TUT7: variants seen among roughly 807,000 people sequenced by gnomAD.
TUT7 encodes the protein terminal uridylyltransferase 7.
In TUT7, 33 loss-of-function variants were observed where a neutral mutation model predicts 165.9. The observed-to-expected ratio is 0.20, with a 90% CI of 0.15 to 0.27. The LOEUF (loss-of-function observed/expected upper bound fraction) is 0.27. Among genes scored for constraint, TUT7 ranks in the 10% least tolerant of loss-of-function variants. The pLI is 1.00. For synonymous variants in TUT7, 552 were observed against 608.1 expected (o/e 0.91, Z 1.36); for missense variants, 1,338 against 1,762.3 (o/e 0.76, Z 4.31).
Position 86,345,067 on chromosome 9 carries a change from C to A in TUT7, c.907G>T (p.Val303Leu), listed in dbSNP as rs1302433956. The change falls in exon 5 of 27, where the codon GTA (valine) becomes TTA (leucine). Residue 303 changes from valine (V) to leucine (L), a missense_variant. Coordinates refer to ENST00000375963, the MANE Select transcript of TUT7 (RefSeq NM_024617.4). ...TCATTGTGTAAGCCAAATTCCTGTA[C>A]CACTTTGTCAATGGCAATGCCAACT... ...NAVGIAIDKV[V>L]QEFGLHNENL... 6.2e-7 allele frequency: 1 copy of A among 1,613,694 alleles called. No homozygotes were observed. Among genetic ancestry groups the A allele is most frequent in the African/African-American group, 1.3e-5 (1 of 74,906 alleles).
At position 86,319,622 on chromosome 9, in the gene TUT7, C is replaced by T; in HGVS notation, c.3077G>A (p.Arg1026Gln). Reference protein sequence around the residue: ...IIEDQAREHIRQNLESFIRQD... With the variant: ...IIEDQAREHIQQNLESFIRQD... ...TCTTATGAAACTTTCTAGGTTTTGCCGAATATGTTCACGAGCCTGATCTTC... is the reference window on the plus strand; with the variant it reads ...TCTTATGAAACTTTCTAGGTTTTGCTGAATATGTTCACGAGCCTGATCTTC... The change falls in exon 15 of 27, where the codon CGG becomes CAG. Residue 1026 changes from arginine to glutamine, a missense_variant. Arg to Gln is a conservative substitution (Grantham distance 43). Coordinates refer to ENST00000375963, the MANE Select transcript of TUT7 (RefSeq NM_024617.4). 1.2e-6 allele frequency: 2 copies of T among 1,608,200 alleles called. No homozygotes were observed. Among genetic ancestry groups the T allele is most frequent in the South Asian group, 1.1e-5 (1 of 89,274 alleles).
At chr9:86,325,628 T>C (rs1004049044) in intron 11 of TUT7, 114 bp from the exon 12 acceptor site, 10 of 920,022 alleles carry the variant, frequency 1.1e-5, no homozygotes, top group Non-Finnish European at 1.5e-5. Flanking sequence ...AACAAAGATA[T>C]AAGCCTGACA....
At chr9:86,304,042 T>G (rs2049797146) in intron 24 of TUT7, among the ~76,000 whole-genome samples, 1 of 152,140 alleles carries the variant, frequency 6.6e-6, no homozygotes, top group African/African-American at 2.4e-5. Flanking sequence ...AGGAATAAGT[T>G]TTGAGATCTA....
At chr9:86,294,066 G>T (rs1420706606) in intron 26 of TUT7, among the ~76,000 whole-genome samples, 3 of 152,170 alleles carry the variant, frequency 2.0e-5, no homozygotes, top group Non-Finnish European at 1.5e-5. Context: ...TTTTAAGAGA[G>T]TCAATTTCTA....
At chr9:86,293,650 G>C (rs1826061375) in intron 26 of TUT7, among the ~76,000 whole-genome samples, 1 of 152,202 alleles carries the variant, frequency 6.6e-6, no homozygotes. Context: ...CTGTCAAAAT[G>C]TGCATACTTT....
At chr9:86,294,198 A>C (rs1826112597) in intron 26 of TUT7, among the ~76,000 whole-genome samples, 1 of 151,590 alleles carries the variant, frequency 6.6e-6, no homozygotes, top group Admixed American at 6.6e-5. Flanking sequence ...CCCCTTTCAC[A>C]ATTATTTATC....
At position 86,328,462 on chromosome 9, in the gene TUT7, T is replaced by A. The variant is rs750779168; in HGVS notation, c.1486A>T (p.Asn496Tyr). ...TTTTCAATGTCTTGAAGGTTGAAAT[T>A]CCCTAGTTTGCTTAATGAGAATCCT... is the stretch of plus-strand genomic sequence containing the variant. ...IEGFSLSKLG[N>Y]FNLQDIEKDV... The change falls in exon 11 of 27, where the codon AAT (asparagine) becomes TAT (tyrosine). Residue 496 changes from asparagine to tyrosine, a missense_variant. Asn to Tyr is a moderately radical substitution (Grantham distance 143). Coordinates refer to ENST00000375963, the MANE Select transcript of TUT7 (RefSeq NM_024617.4). 2.5e-5 allele frequency: 41 copies of A among 1,610,484 alleles called. No homozygotes were observed. Among genetic ancestry groups the A allele is most frequent in the Non-Finnish European group, 3.4e-5 (40 of 1,178,504 alleles).
rs574456852 is a variant in TUT7, at chr9:86,346,419, C to T, written c.582G>A (p.Glu194=). Residue 194 remains glutamate (E), a synonymous_variant, in exon 3 of 27, where the codon GAG becomes GAA. Transcript: ENST00000375963. ...KPRKTRNEEN[E]QDGDLEGPVI... ...CAGGGCCTTCCAAGTCTCCATCCTGCTCATTTTCCTCATTTCTAGTCTTCC... is the reference window on the plus strand; with the variant it reads ...CAGGGCCTTCCAAGTCTCCATCCTGTTCATTTTCCTCATTTCTAGTCTTCC... The T allele has an allele frequency of 4.3e-6, 7 of 1,614,090 alleles. No individual in the cohort carries two copies. The Admixed American group carries it at 5.0e-5, about 12-fold the overall frequency.
intron 17 of TUT7, among the ~76,000 whole-genome samples, chr9:86,313,063 C>A (rs1218598267): frequency 6.6e-6 from 1 of 151,888 alleles, no homozygotes; most frequent in African/African-American, 2.4e-5. Context: ...TATTATGCTG[C>A]TCCACTATTG....
rs927427486 is a variant in TUT7 at position 86,309,921 on chromosome 9, T to C, written c.3468+7A>G. 3 of 1,610,038 alleles carry C rather than the reference T, an allele frequency of 1.9e-6. No homozygotes were observed. Among genetic ancestry groups the C allele is most frequent in the Non-Finnish European group, 1.7e-6 (2 of 1,176,872 alleles). On this transcript the variant is annotated splice_region_variant and intron_variant, in intron 19 of 26. Transcript: ENST00000375963. ...TCCTGATAAGTCACAATAGGAAGCATACTCACCTTTGTAAATACTTTCATG... is the reference window on the plus strand; with the variant it reads ...TCCTGATAAGTCACAATAGGAAGCACACTCACCTTTGTAAATACTTTCATG...
Position 86,310,805 on chromosome 9 carries a change from C to G in TUT7, c.3279G>C (p.Leu1093=), listed in dbSNP as rs778849311. Reference sequence around the variant, plus strand: ...CTGTTGTAATAGGTAAGATGTTTCTCAGACCTAAGTTGGGAAATAAAATGT... The same window carrying G: ...CTGTTGTAATAGGTAAGATGTTTCTGAGACCTAAGTTGGGAAATAAAATGT... ...LARVLRKHSG[L]RNILPITTAK... is the part of the protein sequence containing the mutation. The change falls in exon 18 of 27, where the codon CTG becomes CTC. Residue 1093 remains leucine, a synonymous_variant. Coordinates refer to ENST00000375963, the MANE Select transcript of TUT7 (RefSeq NM_024617.4). 2 of 1,591,578 alleles carry G rather than the reference C, an allele frequency of 1.3e-6. No individual in the cohort carries two copies. The highest frequency in any genetic ancestry group is 2.2e-5 in the East Asian group (1 of 44,744).
At chr9:86,295,538 A>T (rs549326130) in intron 26 of TUT7, among the ~76,000 whole-genome samples, 1 of 152,290 alleles carries the variant, frequency 6.6e-6, no homozygotes, top group Non-Finnish European at 1.5e-5. Context: ...TTAAATAAAC[A>T]ATGGTATATT....
chr9:86,332,779 A>G (rs1271724063), intron 10 of TUT7, among the ~76,000 whole-genome samples: 17 of 152,172 alleles, frequency 1.1e-4, no homozygotes, highest in Non-Finnish European at 4.4e-5. Flanking sequence ...TTGATTACTG[A>G]TATCATTGGT....
chr9:86,310,130 G>GAGTTCATGACCAGC, intron 18 of TUT7, 113 bp from the exon 19 acceptor site: 3 of 885,720 alleles, frequency 3.4e-6, no homozygotes, highest in Non-Finnish European at 5.0e-6. Context: ...TGTTGCCCAG[G>GAGTTCATGACCAGC]CTGGTCATGA....
chr9:86,335,341 A>G (rs918040297), intron 10 of TUT7, among the ~76,000 whole-genome samples: 3 of 152,168 alleles, frequency 2.0e-5, no homozygotes, highest in African/African-American at 7.2e-5. Context: ...TTATAATATA[A>G]AATTATTCTT....
chr9:86,345,791 A>G lies in TUT7; in HGVS notation c.703-6T>C. On this transcript the variant is annotated splice_region_variant and splice_polypyrimidine_tract_variant and intron_variant, in intron 3 of 26. Transcript: ENST00000375963. ...GTAGGGTAGTTTCGTGGTCGCTATA[A>G]TTTGAAGAGATTTATTTAGAGAGAG... 6.4e-7 allele frequency: 1 copy of G among 1,571,638 alleles called. No homozygotes were observed. Among genetic ancestry groups the G allele is most frequent in the Non-Finnish European group, 8.7e-7 (1 of 1,146,360 alleles).
At chr9:86,290,064 C>G (rs1564016355) in intron 26 of TUT7, among the ~76,000 whole-genome samples, 1 of 152,106 alleles carries the variant, frequency 6.6e-6, no homozygotes, top group African/African-American at 2.4e-5. Flanking sequence ...TTTTCTTTAT[C>G]TGTAAAATGA....
At chr9:86,334,364 G>A (rs77065760) in intron 10 of TUT7, among the ~76,000 whole-genome samples, 3,692 of 152,264 alleles carry the variant, frequency 0.024, 156 homozygotes, top group African/African-American at 0.083. Context: ...ACAAAAGTCT[G>A]AGGAAGCCCT....
intron 25 of TUT7, chr9:86,301,805 T>C: frequency 1.0e-6 from 1 of 985,444 alleles, no homozygotes; most frequent in Non-Finnish European, 1.2e-6. Flanking sequence ...GTTTTTCTTC[T>C]TCATTTTCAA....
Sources: allele counts gnomAD v4.1 joint callset (sites outside exome capture counted in the v4.1 genomes callset), GRCh38; gene constraint gnomAD v4.1.1; transcripts MANE v1.5; gene names NCBI Gene and HGNC (gene_info 2026-07-23, HGNC 2026-07-21).